RNF213: variants seen among roughly 807,000 people sequenced by gnomAD.
The protein encoded by RNF213 is ring finger protein 213.
RNF213 carries 341 observed loss-of-function variants against 514.4 expected under a neutral mutation model. That is an observed-to-expected ratio of 0.66 (90% CI 0.61 to 0.73). The LOEUF is 0.73. Ranked by LOEUF, RNF213 falls within the 30% of genes least tolerant of loss-of-function variation. RNF213 has a pLI of 0.00. For missense variants in RNF213, 5,767 were observed against 6,615.6 expected (o/e 0.87, Z 4.45); for synonymous variants, 2,655 against 2,658.2 (o/e 1.00, Z 0.04).
chr17:80,281,236 C>T (rs1159214028), intron 3 of RNF213, among the ~76,000 whole-genome samples: 1 of 113,844 alleles, frequency 8.8e-6, no homozygotes, highest in Non-Finnish European at 1.9e-5. Context: ...ACCCCACTCA[C>T]ACACACCTCA....
chr17:80,306,228 T>C (rs1230860111), intron 11 of RNF213, 24 bp from the exon 12 acceptor site: 1 of 1,609,350 alleles, frequency 6.2e-7, no homozygotes, highest in South Asian at 1.1e-5. Context: ...GTCTCTTTTC[T>C]CCGTCCCTAT....
At chr17:80,282,151 C>T (rs1176914983) in intron 3 of RNF213, among the ~76,000 whole-genome samples, 1 of 152,214 alleles carries the variant, frequency 6.6e-6, no homozygotes, top group Non-Finnish European at 1.5e-5. Context: ...GCCACTGAGG[C>T]CGGCCCCCGA....
chr17:80,339,123 G>A, intron 25 of RNF213, 78 bp from the exon 26 acceptor site: 1 of 1,249,416 alleles, frequency 8.0e-7, no homozygotes, highest in Non-Finnish European at 1.1e-6. Flanking sequence ...TTGGCGGTAG[G>A]CCTGTGTGCT....
chr17:80,371,140 CTATT>C (rs1221803432), intron 46 of RNF213, among the ~76,000 whole-genome samples: 2 of 152,128 alleles, frequency 1.3e-5, no homozygotes, highest in African/African-American at 2.4e-5. Context: ...AGAAAAAAAT[CTATT>C]TAAAGTATGG....
chr17:80,355,824 A>G (rs4889846), intron 36 of RNF213, among the ~76,000 whole-genome samples: 84,309 of 126,948 alleles, frequency 0.66, 25,725 homozygotes, highest in Middle Eastern at 0.71. Context: ...GGCTTACAGG[A>G]GAAGAAGCGG....
At chr17:80,333,173 C>T (rs1368170166) in intron 21 of RNF213, among the ~76,000 whole-genome samples, 1 of 151,522 alleles carries the variant, frequency 6.6e-6, no homozygotes, top group Non-Finnish European at 1.5e-5. Context: ...CTCAGCCTCC[C>T]AAGTAGCTGG....
Position 80,338,874 on chromosome 17 carries a change from G to C in RNF213, c.4834-327G>C, listed in dbSNP as rs141939582. ...GAGGCAGGAGAATTGCTTGAACCCAGGAGGCAGAGGTTGCAGTGAGCCGAG... is the reference window on the plus strand; with the variant it reads ...GAGGCAGGAGAATTGCTTGAACCCACGAGGCAGAGGTTGCAGTGAGCCGAG... On this transcript the variant is annotated intron_variant, in intron 25 of 67. Transcript: ENST00000582970. Among the ~76,000 whole-genome samples the C allele has an allele frequency of 8.9e-3, 1,330 of 149,222 alleles. 20 individuals are homozygous for C. Among genetic ancestry groups the C allele is most frequent in the African/African-American group, 0.032 (1,279 of 40,406 alleles).
chr17:80,384,264 T>C (rs957861290), intron 59 of RNF213, among the ~76,000 whole-genome samples: 2 of 152,172 alleles, frequency 1.3e-5, no homozygotes, highest in African/African-American at 4.8e-5. Context: ...TTCCTCTCTG[T>C]CCACAATGCT....
At chr17:80,268,355 A>G (rs372036678) in intron 2 of RNF213, among the ~76,000 whole-genome samples, 5 of 103,568 alleles carry the variant, frequency 4.8e-5, no homozygotes, top group Admixed American at 2.1e-4. Flanking sequence ...CCTGTCTCAG[A>G]AAAAAAAAAA....
intron 64 of RNF213, 120 bp from the exon 65 acceptor site, chr17:80,389,053 G>C (rs983682694): frequency 1.1e-6 from 1 of 944,628 alleles, no homozygotes; most frequent in Admixed American, 1.8e-5. Flanking sequence ...AGTGTCAGCT[G>C]TTAGAGAGTT....
At chr17:80,313,642 T>TGGA (rs2045662828) in intron 15 of RNF213, among the ~76,000 whole-genome samples, 3 of 145,414 alleles carry the variant, frequency 2.1e-5, no homozygotes, top group African/African-American at 7.8e-5. Flanking sequence ...ATGGTGGTGA[T>TGGA]GGTGATGGTT....
chr17:80,332,854 G>A (rs1016573460), intron 21 of RNF213, among the ~76,000 whole-genome samples: 1 of 151,948 alleles, frequency 6.6e-6, no homozygotes, highest in Non-Finnish European at 1.5e-5. Flanking sequence ...AGTTTCCTTG[G>A]GTCTGCGTGA....
In RNF213 at chr17:80,325,180, C is replaced by T. The variant is rs1287654183; in HGVS notation, c.3175C>T (p.His1059Tyr). The T allele has an allele frequency of 7.2e-6, 11 of 1,534,698 alleles. No homozygotes were observed. The highest frequency in any genetic ancestry group is 9.6e-6 in the Non-Finnish European group (11 of 1,144,934). The change falls in exon 18 of 68, where the codon CAC becomes TAC. Residue 1059 changes from histidine (H) to tyrosine (Y), a missense_variant. Around this residue, in one of 13 missense-constraint regions of RNF213, gnomAD observed 516 missense variants for 566.5 expected, o/e 0.91. Transcript: ENST00000582970. ...KHLLTLADVK[H>Y]VFRLCGTDEK... ...TCTGCTCACGTTGGCAGATGTCAAG[C>T]ACGTCTTCAGATTGTGTGGTATGTT...
chr17:80,362,128 G>C (rs1555673355), intron 39 of RNF213, among the ~76,000 whole-genome samples: 1 of 152,226 alleles, frequency 6.6e-6, no homozygotes, highest in Non-Finnish European at 1.5e-5. Flanking sequence ...CTGTGAACAT[G>C]AGAAGACCTC....
intron 3 of RNF213, among the ~76,000 whole-genome samples, chr17:80,280,886 C>T (rs550180696): frequency 4.5e-4 from 69 of 152,196 alleles, no homozygotes; most frequent in Middle Eastern, 3.4e-3. Context: ...AACATTCCCA[C>T]GGAGTAACAG....
At chr17:80,349,375 T>C (rs1210750414) in intron 29 of RNF213, among the ~76,000 whole-genome samples, 1 of 152,214 alleles carries the variant, frequency 6.6e-6, no homozygotes, top group East Asian at 1.9e-4. Flanking sequence ...GGAGAATTGC[T>C]GACATCTGGG....
rs1318197924 is a variant in RNF213, at chr17:80,385,543, T to C, written c.14461T>C (p.Leu4821=). ...CCAAGTATTCTGTTCAACAGATGGG[T>C]TGAGGCAGCTGCTTCACAACAGGAT... ...GFLSKHSSDG[L]RQLLHNRITV... is the part of the protein sequence containing the mutation. The change falls in exon 61 of 68, where the codon TTG becomes CTG. Residue 4821 remains leucine, a synonymous_variant. Coordinates refer to ENST00000582970, the MANE Select transcript of RNF213 (RefSeq NM_001256071.3). The C allele has an allele frequency of 1.2e-6, 2 of 1,614,072 alleles. No homozygotes were observed. Among genetic ancestry groups the C allele is most frequent in the South Asian group, 1.1e-5 (1 of 91,074 alleles).
chr17:80,385,259 G>A, intron 60 of RNF213, 88 bp downstream of exon 60: 2 of 1,526,306 alleles, frequency 1.3e-6, no homozygotes, highest in East Asian at 4.5e-5. Context: ...TGGGGCGGAG[G>A]GGAGGAGGCG....
chr17:80,266,099 T>C (rs1273152801), intron 2 of RNF213, among the ~76,000 whole-genome samples: 1 of 151,986 alleles, frequency 6.6e-6, no homozygotes, highest in Non-Finnish European at 1.5e-5. Context: ...CTGGTAGAGT[T>C]AGGAAGGCCT....
Sources: gnomAD v4.1 joint callset for allele counts (sites outside exome capture counted in the v4.1 genomes callset) on GRCh38, gnomAD v4.1.1 for gene constraint, gnomAD v4.1.1 regional missense constraint, MANE v1.5 for transcripts, NCBI Gene and HGNC (gene_info 2026-07-23, HGNC 2026-07-21) for gene names.